Variants in SRGAP2 observed in about 807,000 individuals in gnomAD.
SRGAP2 encodes the protein SLIT-ROBO Rho GTPase-activating protein 2.
SRGAP2 carries 15 observed loss-of-function variants against 57.2 expected under a neutral mutation model. The observed-to-expected ratio is 0.26, with a 90% CI of 0.18 to 0.40. The LOEUF (loss-of-function observed/expected upper bound fraction) is 0.40, where lower values mean the gene tolerates loss of function less well. Among genes scored for constraint, SRGAP2 ranks in the 10% least tolerant of loss-of-function variants. The pLI is 1.00. For synonymous variants in SRGAP2, 249 were observed against 248.0 expected, an observed-to-expected ratio of 1.00 and a Z score of -0.04; for missense variants, 520 against 669.6, an observed-to-expected ratio of 0.78 and a Z score of 2.47.
chr1:206,428,593 T>C (rs1314647707), intron 13 of SRGAP2, among the ~76,000 whole-genome samples: 1 of 152,132 alleles, frequency 6.6e-6, no homozygotes, highest in Admixed American at 6.5e-5. Flanking sequence ...TGAATCCTGG[T>C]TTTGCCACTT....
intron 10 of SRGAP2, among the ~76,000 whole-genome samples, chr1:206,411,008 A>T (rs781962692): frequency 6.6e-6 from 1 of 152,120 alleles, no homozygotes; most frequent in Non-Finnish European, 1.5e-5. Context: ...TTGCAGGCAC[A>T]CGCCACCACG....
chr1:206,218,211 C>G (rs1666775624), intron 2 of SRGAP2, among the ~76,000 whole-genome samples: 5 of 151,534 alleles, frequency 3.3e-5, no homozygotes, highest in Admixed American at 2.0e-4. Context: ...TACTTGGGAG[C>G]CTGAGGCAGG....
rs1455825403 is a variant in SRGAP2, at chr1:206,229,741, A to G, written c.67+23704A>G. On this transcript the variant is annotated intron_variant, in intron 2 of 22. Transcript: ENST00000573034. ...GGTCTTTTCTTCTTTCAGGATTTCT[A>G]TAGCTTCTTTTAGAGACTCAAAGTG... 4.6e-5 allele frequency among the ~76,000 whole-genome samples: 7 copies of G among 151,976 alleles called. No individual in the cohort carries two copies. The South Asian group carries it at 1.2e-3, about 27-fold the overall frequency.
chr1:206,239,891 C>T (rs1668105132), intron 2 of SRGAP2, among the ~76,000 whole-genome samples: 1 of 150,124 alleles, frequency 6.7e-6, no homozygotes, highest in Admixed American at 6.6e-5. Flanking sequence ...TTGATAGAGG[C>T]AGTAAATTTA....
At position 206,419,372 on chromosome 1, in the gene SRGAP2, G is replaced by T; in HGVS notation, c.1442-1G>T. The T allele has an allele frequency of 1.3e-6, 1 of 780,796 alleles. No individual in the cohort carries two copies. The highest frequency in any genetic ancestry group is 1.3e-5 in the South Asian group (1 of 74,610). The allele number at this position is 780,796 out of a possible 1,614,324, so 48.4% of individuals were successfully genotyped here. On this transcript the variant is annotated splice_acceptor_variant, in intron 11 of 22. Transcript: ENST00000573034. LOFTEE classifies it high-confidence loss of function. ...GCTTTTTGCCTTTGTGTTTCCAACA[G>T]GTCAGCGGACAGATTGCAGTCTAGC... is the stretch of plus-strand genomic sequence containing the variant.
At chr1:206,421,755 G>T (rs1421697377) in intron 13 of SRGAP2, among the ~76,000 whole-genome samples, 1 of 152,158 alleles carries the variant, frequency 6.6e-6, no homozygotes, top group Non-Finnish European at 1.5e-5. Flanking sequence ...ATTAAGTCTG[G>T]TCTAGGAACG....
chr1:206,446,177 C>A lies in SRGAP2; in HGVS notation c.1977C>A (p.Ser659=), dbSNP rs564237703. ...TGCCAGAGGGCCACGACCAGGTGTC[C>A]TGCCAAGCCCACGTGAATGAGCTGA... ...MSVPEGHDQV[S]CQAHVNELIK... The change falls in exon 18 of 23, where the codon TCC becomes TCA. Residue 659 remains serine, a synonymous_variant. Transcript: ENST00000573034. The A allele has an allele frequency of 5.1e-6, 4 of 780,850 alleles. No individual in the cohort carries two copies. Among genetic ancestry groups the A allele is most frequent in the Non-Finnish European group, 9.6e-6 (4 of 418,012 alleles). The allele number at this position is 780,850 out of a possible 1,614,324, so 48.4% of individuals were successfully genotyped here. A position where few individuals can be genotyped will look rare whatever the true frequency, so the allele number is the denominator to read the frequency against.
intron 17 of SRGAP2, among the ~76,000 whole-genome samples, chr1:206,445,799 G>A (rs1662704191): frequency 6.6e-6 from 1 of 152,168 alleles, no homozygotes; most frequent in South Asian, 2.1e-4. Context: ...GATGAGGATG[G>A]GGTGGTAAGT....
chr1:206,448,035 C>CAGCA (rs1662921959), intron 18 of SRGAP2, among the ~76,000 whole-genome samples: 1 of 152,186 alleles, frequency 6.6e-6, no homozygotes, highest in Non-Finnish European at 1.5e-5. Context: ...GAACAAGAGT[C>CAGCA]AGCAACCTTG....
intron 4 of SRGAP2, among the ~76,000 whole-genome samples, chr1:206,365,962 G>T (rs550106365): frequency 8.5e-5 from 13 of 152,178 alleles, no homozygotes; most frequent in Admixed American, 5.2e-4. Flanking sequence ...AGGCATAGTT[G>T]TGACAAGGAG....
At chr1:206,459,036 CAG>C in intron 22 of SRGAP2, 89 bp downstream of exon 22, 2 of 635,608 alleles carry the variant, frequency 3.1e-6, no homozygotes, top group Non-Finnish European at 2.9e-6. Context: ...GGACTTGAAA[CAG>C]AATGATTATT....
intron 7 of SRGAP2, among the ~76,000 whole-genome samples, chr1:206,394,280 C>T (rs539009818): frequency 6.6e-6 from 1 of 151,428 alleles, no homozygotes; most frequent in East Asian, 2.0e-4. Context: ...CTCCTCACCT[C>T]AGGTGACCTG....
intron 3 of SRGAP2, among the ~76,000 whole-genome samples, chr1:206,307,105 T>G (rs1166603127): frequency 1.3e-5 from 2 of 151,748 alleles, no homozygotes; most frequent in Non-Finnish European, 2.9e-5. Context: ...AGATACAGAG[T>G]GTCGATTGGT....
intron 14 of SRGAP2, among the ~76,000 whole-genome samples, chr1:206,432,161 G>C (rs531704150): frequency 6.6e-6 from 1 of 152,336 alleles, no homozygotes; most frequent in Admixed American, 6.5e-5. Flanking sequence ...CATGATGGCG[G>C]CCTAGACCAG....
rs576422306 is a variant in SRGAP2 at position 206,453,613 on chromosome 1, C to T, written c.2360+233C>T. 34 of 337,872 alleles carry T rather than the reference C, an allele frequency of 1.0e-4. No individual in the cohort carries two copies. The South Asian group carries it at 1.4e-3, about 14-fold the overall frequency. The allele number at this position is 337,872 out of a possible 1,614,324, so 20.9% of individuals were successfully genotyped here. A position where few individuals can be genotyped will look rare whatever the true frequency, so the allele number is the denominator to read the frequency against. On this transcript the variant is annotated intron_variant, in intron 20 of 22. Coordinates refer to ENST00000573034, the MANE Select transcript of SRGAP2 (RefSeq NM_015326.5). ...ACTATCTGTGCCCCCTGCAAATCAC[C>T]CCCTAATCCAGTCATTTTAGAAACC...
intron 3 of SRGAP2, among the ~76,000 whole-genome samples, chr1:206,314,667 T>A (rs1483483616): frequency 1.3e-5 from 2 of 152,186 alleles, no homozygotes; most frequent in Non-Finnish European, 2.9e-5. Context: ...GAAATATTTG[T>A]GATTTCCAAT....
intron 17 of SRGAP2, among the ~76,000 whole-genome samples, chr1:206,445,292 C>T (rs184665150): frequency 2.2e-4 from 34 of 152,224 alleles, no homozygotes; most frequent in Admixed American, 1.3e-3. Flanking sequence ...GGTCCTTGGC[C>T]AAGGTTGGAG....
intron 3 of SRGAP2, among the ~76,000 whole-genome samples, chr1:206,319,843 C>G (rs1285122280): frequency 1.4e-5 from 2 of 146,510 alleles, no homozygotes; most frequent in Non-Finnish European, 2.9e-5. Flanking sequence ...GTCTCTCACT[C>G]TGTTGCCCAG....
In SRGAP2 at chr1:206,464,048, T is replaced by G. The variant is rs532480088; in HGVS notation, c.*2628T>G. ...GGGTGGGGCTACTAGCATCCCAATT[T>G]AGAAAATAGAGGAGTTTGTAGCCAG... On this transcript the variant is annotated 3_prime_UTR_variant, in exon 23 of 23. Transcript: ENST00000573034. The G allele has an allele frequency of 2.0e-4, 31 of 152,572 alleles. No homozygotes were observed. The highest frequency in any genetic ancestry group is 6.5e-4 in the African/African-American group (27 of 41,502). The allele number at this position is 152,572 out of a possible 1,614,324, so 9.5% of individuals were successfully genotyped here.
Sources: allele counts gnomAD v4.1 joint callset (sites outside exome capture counted in the v4.1 genomes callset), GRCh38; gene constraint gnomAD v4.1.1; transcripts MANE v1.5; gene names NCBI Gene and HGNC (gene_info 2026-07-23, HGNC 2026-07-21).